The following FAT3 variants were observed in gnomAD, a reference collection of about 807,000 sequenced individuals.
FAT3 encodes protocadherin Fat 3.
In FAT3, 95 loss-of-function variants were observed where a neutral mutation model predicts 310.2. That is an observed-to-expected ratio of 0.31 (90% confidence interval 0.26 to 0.36). The LOEUF is 0.36. Among genes scored for constraint, FAT3 ranks in the 10% least tolerant of loss-of-function variants. FAT3 has a pLI of 1.00. For missense variants in FAT3, 5,408 were observed against 5,715.6 expected (o/e 0.95, Z 1.74); for synonymous variants, 2,314 against 2,192.9 (o/e 1.06, Z -1.54).
chr11:92,762,849 G>A (rs891062089), intron 5 of FAT3, among the ~76,000 whole-genome samples: 6 of 151,996 alleles, frequency 3.9e-5, no homozygotes, highest in South Asian at 4.2e-4. Flanking sequence ...GTATCCTTAC[G>A]AGCAATGAGC....
At chr11:92,649,310 C>T (rs1942283555) in intron 3 of FAT3, among the ~76,000 whole-genome samples, 1 of 152,144 alleles carries the variant, frequency 6.6e-6, no homozygotes, top group African/African-American at 2.4e-5. Flanking sequence ...CCATACAAAT[C>T]AGCATTTGAT....
At chr11:92,267,558 G>A (rs553198019) in intron 1 of FAT3, among the ~76,000 whole-genome samples, 1 of 150,700 alleles carries the variant, frequency 6.6e-6, no homozygotes, top group Non-Finnish European at 1.5e-5. Context: ...TCCAGGGTTT[G>A]GAAGTATGAA....
chr11:92,406,792 G>A (rs960889776), intron 2 of FAT3: 2 of 152,156 alleles, frequency 1.3e-5, no homozygotes, highest in Non-Finnish European at 2.9e-5. Flanking sequence ...CCAGATTGCA[G>A]GTATCTCTGA....
At chr11:92,604,521 C>G (rs1332470391) in intron 3 of FAT3, among the ~76,000 whole-genome samples, 1 of 152,148 alleles carries the variant, frequency 6.6e-6, no homozygotes, top group Admixed American at 6.5e-5. Context: ...TCCTGCATGA[C>G]CACATTACTC....
chr11:92,545,228 C>A (rs1179236896), intron 3 of FAT3, among the ~76,000 whole-genome samples: 3 of 152,160 alleles, frequency 2.0e-5, no homozygotes, highest in African/African-American at 4.8e-5. Context: ...CTAACAAGAT[C>A]TTCCTTGGTT....
At chr11:92,832,960 C>G (rs1331568974) in intron 14 of FAT3, among the ~76,000 whole-genome samples, 1 of 152,186 alleles carries the variant, frequency 6.6e-6, no homozygotes, top group African/African-American at 2.4e-5. Context: ...CTCACCACAT[C>G]CTTTTCCAAC....
intron 4 of FAT3, among the ~76,000 whole-genome samples, chr11:92,704,950 C>T (rs1019857288): frequency 6.6e-6 from 1 of 152,132 alleles, no homozygotes; most frequent in Non-Finnish European, 1.5e-5. Context: ...TGAGGGTTCC[C>T]GTGCTTCATG....
At chr11:92,359,844 G>A (rs1216700290) in intron 2 of FAT3, among the ~76,000 whole-genome samples, 2 of 140,326 alleles carry the variant, frequency 1.4e-5, no homozygotes, top group Admixed American at 7.3e-5. Flanking sequence ...ATTCCATGGT[G>A]TATATGTGCC....
At position 92,568,711 on chromosome 11, in the gene FAT3, C is replaced by T. The variant is rs143821724; in HGVS notation, c.3607+43763C>T. ...GCCTGCTTTGCTAGTCTTGTTAACT[C>T]CTTTTTCAGATTTGTACATGTCTTG... On this transcript the variant is annotated intron_variant, in intron 3 of 27. Coordinates refer to ENST00000525166, the MANE Select transcript of FAT3 (RefSeq NM_001367949.2). Among the ~76,000 whole-genome samples, 111 of 152,256 alleles carry T rather than the reference C, an allele frequency of 7.3e-4. No homozygotes were observed. The East Asian group carries it at 0.021, about 29-fold the overall frequency.
intron 2 of FAT3, among the ~76,000 whole-genome samples, chr11:92,448,764 T>A (rs1951281212): frequency 6.6e-6 from 1 of 152,216 alleles, no homozygotes; most frequent in Admixed American, 6.5e-5. Context: ...TCACGTTTCC[T>A]TTCTCCCTGC....
chr11:92,346,327 A>G (rs1379508256), intron 1 of FAT3, among the ~76,000 whole-genome samples: 2 of 152,146 alleles, frequency 1.3e-5, no homozygotes, highest in Non-Finnish European at 2.9e-5. Context: ...TGCTAGCTCT[A>G]AGGAGTAGTT....
At chr11:92,365,767 C>T (rs147681928) in intron 2 of FAT3, among the ~76,000 whole-genome samples, 2 of 152,114 alleles carry the variant, frequency 1.3e-5, no homozygotes, top group Non-Finnish European at 2.9e-5. Flanking sequence ...GGGAGAGATT[C>T]TAAAATACAC....
At chr11:92,882,265 C>T (rs920512877) in intron 23 of FAT3, among the ~76,000 whole-genome samples, 6 of 152,256 alleles carry the variant, frequency 3.9e-5, no homozygotes, top group Admixed American at 1.3e-4. Context: ...TGGGATACTA[C>T]GGCCAGCACC....
At chr11:92,238,174 G>A (rs1864514489) in intron 1 of FAT3, among the ~76,000 whole-genome samples, 1 of 152,124 alleles carries the variant, frequency 6.6e-6, no homozygotes. Context: ...CAGAATCTGG[G>A]TGTGGGCCCA....
intron 4 of FAT3, among the ~76,000 whole-genome samples, chr11:92,742,921 T>A (rs750560865): frequency 6.6e-6 from 1 of 152,222 alleles, no homozygotes; most frequent in Non-Finnish European, 1.5e-5. Context: ...ACTGTAGGTG[T>A]AGCGGTGTTA....
At chr11:92,616,802 G>C (rs477999) in intron 3 of FAT3, among the ~76,000 whole-genome samples, 87,127 of 152,032 alleles carry the variant, frequency 0.57, 26,722 homozygotes, top group African/African-American at 0.8. Context: ...TGAATATTGG[G>C]CCTCACTCTC....
chr11:92,627,244 G>A (rs1344341113), intron 3 of FAT3, among the ~76,000 whole-genome samples: 1 of 152,194 alleles, frequency 6.6e-6, no homozygotes, highest in Non-Finnish European at 1.5e-5. Flanking sequence ...AAGACACAGA[G>A]CAGTGATTTC....
intron 19 of FAT3, among the ~76,000 whole-genome samples, chr11:92,847,729 G>C (rs1948724438): frequency 1.3e-5 from 2 of 152,156 alleles, no homozygotes; most frequent in African/African-American, 2.4e-5. Flanking sequence ...AAGATAAAGA[G>C]GAAAGCGTTT....
chr11:92,319,581 C>G (rs943196052), intron 1 of FAT3, among the ~76,000 whole-genome samples: 1 of 152,136 alleles, frequency 6.6e-6, no homozygotes, highest in Non-Finnish European at 1.5e-5. Context: ...ATCTTATGTC[C>G]TGTGCAAAGT....
Sources: gnomAD v4.1 joint callset for allele counts (sites outside exome capture counted in the v4.1 genomes callset) on GRCh38, gnomAD v4.1.1 for gene constraint, MANE v1.5 for transcripts, NCBI Gene and HGNC (gene_info 2026-07-23, HGNC 2026-07-21) for gene names.